CNTNAP2: variants seen among roughly 807,000 people sequenced by gnomAD.
CNTNAP2 encodes the protein contactin associated protein 2, also known as contactin-associated protein-like 2.
A neutral mutation model predicts 155.2 loss-of-function variants in CNTNAP2; 98 were observed. The observed-to-expected ratio is 0.63, with a 90% CI of 0.54 to 0.75. The LOEUF is 0.75. Among genes scored for constraint, CNTNAP2 ranks in the 30% least tolerant of loss-of-function variants. CNTNAP2 has a pLI of 0.00. For synonymous variants in CNTNAP2, 651 were observed against 631.2 expected (o/e 1.03, Z -0.47); for missense variants, 1,727 against 1,688.1 (o/e 1.02, Z -0.40).
intron 14 of CNTNAP2, among the ~76,000 whole-genome samples, chr7:147,942,391 A>G (rs1343182333): frequency 6.6e-6 from 1 of 152,184 alleles, no homozygotes; most frequent in Non-Finnish European, 1.5e-5. Context: ...AAACAAACAA[A>G]ATGGATAAAT....
At chr7:147,075,214 C>T (rs1454665216) in intron 4 of CNTNAP2, among the ~76,000 whole-genome samples, 2 of 152,060 alleles carry the variant, frequency 1.3e-5, no homozygotes, top group Non-Finnish European at 2.9e-5. Context: ...ATTGTTTGTA[C>T]TTTGTGTGGG....
At chr7:147,489,292 G>A (rs773230522) in intron 11 of CNTNAP2, among the ~76,000 whole-genome samples, 5 of 152,138 alleles carry the variant, frequency 3.3e-5, no homozygotes, top group Non-Finnish European at 5.9e-5. Flanking sequence ...GTCTCCCTTT[G>A]GGATGAGTAG....
intron 8 of CNTNAP2, among the ~76,000 whole-genome samples, chr7:147,226,637 A>G (rs1803551943): frequency 6.6e-6 from 1 of 152,198 alleles, no homozygotes; most frequent in Non-Finnish European, 1.5e-5. Flanking sequence ...GACAGCTTTA[A>G]AGAAAACTGT....
intron 9 of CNTNAP2, among the ~76,000 whole-genome samples, chr7:147,393,812 A>G (rs1796764082): frequency 6.6e-6 from 1 of 151,994 alleles, no homozygotes; most frequent in African/African-American, 2.4e-5. Flanking sequence ...TTCAAATACA[A>G]TCTTATTTTT....
rs114514266 is a variant in CNTNAP2, at chr7:146,378,064, G to A, written c.97+261091G>A. On this transcript the variant is annotated intron_variant, in intron 1 of 23. Transcript: ENST00000361727. ...TAATTTTCTGCCTTTCTCCCTATAA[G>A]GGCATGCATTGTATATGTCTTACTT... is the stretch of plus-strand genomic sequence containing the variant. Among the ~76,000 whole-genome samples, 1,000 of 152,166 alleles carry A rather than the reference G, an allele frequency of 6.6e-3. 12 individuals carry two copies. The highest frequency in any genetic ancestry group is 0.023 in the African/African-American group (953 of 41,484).
At chr7:146,262,199 A>G (rs1007748926) in intron 1 of CNTNAP2, among the ~76,000 whole-genome samples, 2 of 152,288 alleles carry the variant, frequency 1.3e-5, no homozygotes, top group African/African-American at 4.8e-5. Context: ...CTAATTAGCT[A>G]TTAGCACAGC....
At chr7:146,643,719 G>C (rs1747779803) in intron 1 of CNTNAP2, among the ~76,000 whole-genome samples, 1 of 152,232 alleles carries the variant, frequency 6.6e-6, no homozygotes, top group East Asian at 1.9e-4. Context: ...TAGCTTGATG[G>C]GGATGGCATT....
intron 8 of CNTNAP2, among the ~76,000 whole-genome samples, chr7:147,167,056 C>A (rs886222026): frequency 1.8e-4 from 28 of 152,084 alleles, no homozygotes; most frequent in African/African-American, 6.0e-4. Context: ...TTCCTCTGAA[C>A]AACCCTGACA....
intron 1 of CNTNAP2, among the ~76,000 whole-genome samples, chr7:146,369,348 G>A (rs7782482): frequency 0.015 from 2,351 of 152,090 alleles, 62 homozygotes; most frequent in African/African-American, 0.053. Context: ...ATGTTTTGAT[G>A]TTTCGTACAA....
chr7:146,384,751 CAG>C (rs1007550504), intron 1 of CNTNAP2, among the ~76,000 whole-genome samples: 9 of 152,058 alleles, frequency 5.9e-5, no homozygotes, highest in African/African-American at 2.2e-4. Flanking sequence ...AGTGAAGAAA[CAG>C]AATTGGGTTT....
chr7:147,260,709 G>T (rs1199491251), intron 8 of CNTNAP2, among the ~76,000 whole-genome samples: 1 of 152,148 alleles, frequency 6.6e-6, no homozygotes. Context: ...TTGAAAGCAG[G>T]TGCGTATGCC....
chr7:147,186,215 A>T (rs1216796202), intron 8 of CNTNAP2, among the ~76,000 whole-genome samples: 2 of 152,082 alleles, frequency 1.3e-5, no homozygotes. Flanking sequence ...GCTTACACTA[A>T]ATTCTCTTGT....
intron 1 of CNTNAP2, among the ~76,000 whole-genome samples, chr7:146,292,965 G>T (rs191521154): frequency 1.3e-5 from 2 of 151,994 alleles, no homozygotes; most frequent in East Asian, 3.9e-4. Context: ...TGTAAAGCAT[G>T]GTGAATATAG....
chr7:146,572,482 C>G (rs1404012215), intron 1 of CNTNAP2, among the ~76,000 whole-genome samples: 1 of 151,740 alleles, frequency 6.6e-6, no homozygotes, highest in Non-Finnish European at 1.5e-5. Flanking sequence ...TGCTATTAAC[C>G]AAAACTATGA....
intron 12 of CNTNAP2, among the ~76,000 whole-genome samples, chr7:147,602,865 A>G (rs1800980366): frequency 6.6e-6 from 1 of 151,680 alleles, no homozygotes; most frequent in African/African-American, 2.4e-5. Context: ...TATATGTGCC[A>G]CATTTTCTTA....
At chr7:146,950,402 C>T (rs574337681) in intron 3 of CNTNAP2, among the ~76,000 whole-genome samples, 21 of 152,050 alleles carry the variant, frequency 1.4e-4, no homozygotes, top group South Asian at 2.1e-4. Flanking sequence ...CCCATTAACC[C>T]GCCATCTACA....
chr7:146,694,396 C>T (rs1177847969), intron 1 of CNTNAP2, among the ~76,000 whole-genome samples: 2 of 152,184 alleles, frequency 1.3e-5, no homozygotes, highest in Non-Finnish European at 2.9e-5. Flanking sequence ...GCTCCTTTGT[C>T]AAAGAACTAT....
At position 147,583,478 on chromosome 7, in the gene CNTNAP2, T is replaced by TTA. The variant is rs1364775781; in HGVS notation, c.1897+21234_1897+21235dup. Among the ~76,000 whole-genome samples, 222 of 135,286 alleles carry TTA rather than the reference T, an allele frequency of 1.6e-3. 1 individual carries two copies. Among genetic ancestry groups the TTA allele is most frequent in the Admixed American group, 3.9e-3 (50 of 12,710 alleles). 88.8% of individuals were successfully genotyped at this position (135,286 alleles called of 152,430 possible). On this transcript the variant is annotated intron_variant, in intron 12 of 23. Transcript: ENST00000361727. ...GAACAAATACCATTCTGCTCATTTC[T>TTA]TATATATATATATAAAAGACATGAC...
rs1333106825 is a variant in CNTNAP2 at position 148,417,598 on chromosome 7, G to A, written c.*1982G>A. Reference sequence around the variant, plus strand: ...TACAAATGACATATTGAAAGCAAAGGCTGTTTTATTTAGCCAAGATGATTA... The same window carrying A: ...TACAAATGACATATTGAAAGCAAAGACTGTTTTATTTAGCCAAGATGATTA... On this transcript the variant is annotated 3_prime_UTR_variant, in exon 24 of 24. Transcript: ENST00000361727. The A allele has an allele frequency of 2.0e-5, 3 of 152,146 alleles. No homozygotes were observed. Among genetic ancestry groups the A allele is most frequent in the Non-Finnish European group, 4.4e-5 (3 of 68,024 alleles). The allele number at this position is 152,146 out of a possible 1,614,324, so 9.4% of individuals were successfully genotyped here. A position where few individuals can be genotyped will look rare whatever the true frequency, so the allele number is the denominator to read the frequency against.
Sources: gnomAD v4.1 joint callset for allele counts (sites outside exome capture counted in the v4.1 genomes callset) on GRCh38, gnomAD v4.1.1 for gene constraint, MANE v1.5 for transcripts, NCBI Gene and HGNC (gene_info 2026-07-23, HGNC 2026-07-21) for gene names.